Variants in GMDS observed in about 807,000 individuals in gnomAD.
GMDS encodes the protein GDP-mannose 4,6-dehydratase, also known as GDP-mannose 4,6 dehydratase.
A neutral mutation model predicts 49.9 loss-of-function variants in GMDS; 20 were observed. The ratio of observed to expected loss-of-function variants is 0.40; its 90% CI spans 0.28 to 0.58. GMDS has a LOEUF of 0.58. Among genes scored for constraint, GMDS ranks in the 20% least tolerant of loss-of-function variants. The probability of loss-of-function intolerance (pLI) is 0.42; values close to 1 mark genes in which losing one functional copy is unlikely to be tolerated. For missense variants in GMDS, 362 were observed against 481.4 expected, an observed-to-expected ratio of 0.75 and a Z score of 2.32; for synonymous variants, 177 against 178.6, an observed-to-expected ratio of 0.99 and a Z score of 0.07.
At chr6:1,647,418 A>G (rs1763517613) in intron 9 of GMDS, among the ~76,000 whole-genome samples, 1 of 152,156 alleles carries the variant, frequency 6.6e-6, no homozygotes, top group Non-Finnish European at 1.5e-5. Flanking sequence ...CTAAAAAAAG[A>G]GTGTCCCCAG....
At chr6:2,117,298 C>A (rs1039896931) in intron 3 of GMDS, among the ~76,000 whole-genome samples, 171 bp downstream of exon 3, 14 of 152,066 alleles carry the variant, frequency 9.2e-5, no homozygotes, top group African/African-American at 3.1e-4. Context: ...GGGCAGTGAG[C>A]AGGGAAGGTT....
At chr6:1,807,718 A>G (rs1257005110) in intron 7 of GMDS, among the ~76,000 whole-genome samples, 1 of 152,232 alleles carries the variant, frequency 6.6e-6, no homozygotes, top group East Asian at 1.9e-4. Context: ...ATTAATCTCC[A>G]TCCCTATCTC....
intron 4 of GMDS, among the ~76,000 whole-genome samples, chr6:2,035,840 C>T (rs1222953740): frequency 6.6e-6 from 1 of 152,082 alleles, no homozygotes; most frequent in African/African-American, 2.4e-5. Context: ...GTGTGCACCA[C>T]CATGCCCGGC....
intron 9 of GMDS, among the ~76,000 whole-genome samples, chr6:1,676,797 A>T (rs932220644): frequency 3.7e-4 from 57 of 152,346 alleles, no homozygotes; most frequent in Non-Finnish European, 6.5e-4. Context: ...TGGATTAAAG[A>T]CTTAAATGTT....
chr6:1,988,704 A>C (rs1765724709), intron 4 of GMDS, among the ~76,000 whole-genome samples: 2 of 152,252 alleles, frequency 1.3e-5, no homozygotes, highest in Admixed American at 1.3e-4. Flanking sequence ...CAATGTTTAA[A>C]AACAATATTT....
chr6:1,964,281 G>A (rs908058362), intron 4 of GMDS, among the ~76,000 whole-genome samples: 3 of 152,204 alleles, frequency 2.0e-5, no homozygotes, highest in Admixed American at 6.5e-5. Context: ...ACAACAATGA[G>A]AATGTTGTGA....
intron 7 of GMDS, among the ~76,000 whole-genome samples, chr6:1,899,801 A>G (rs9405523): frequency 0.95 from 139,370 of 146,506 alleles, 66,452 homozygotes; most frequent in Middle Eastern, 0.99. Context: ...GGAGACCTGC[A>G]ACAGGGCACC....
chr6:1,790,969 C>T (rs1769518037), intron 7 of GMDS, among the ~76,000 whole-genome samples: 1 of 151,884 alleles, frequency 6.6e-6, no homozygotes, highest in African/African-American at 2.4e-5. Flanking sequence ...CTAGGTGGAC[C>T]CAATGTCATC....
At chr6:2,175,539 T>C (rs1778242614) in intron 1 of GMDS, among the ~76,000 whole-genome samples, 1 of 152,174 alleles carries the variant, frequency 6.6e-6, no homozygotes, top group Non-Finnish European at 1.5e-5. Context: ...TTACTATACC[T>C]CAGCTTGGGA....
rs558767055 is a variant in GMDS at position 1,857,421 on chromosome 6, G to A, written c.771+72682C>T. ...CTCTGTGGTGTGTTACATTGGATCT[G>A]GGCTGAGAGTTGCTGTCTGCTCTAG... On this transcript the variant is annotated intron_variant, in intron 7 of 10. Coordinates refer to ENST00000380815, the MANE Select transcript of GMDS (RefSeq NM_001500.4). Among the ~76,000 whole-genome samples the A allele has an allele frequency of 3.9e-5, 6 of 152,302 alleles. No individual in the cohort carries two copies. In the South Asian group the frequency reaches 8.3e-4, roughly 21 times the overall value.
chr6:2,027,167 T>G (rs930002420), intron 4 of GMDS, among the ~76,000 whole-genome samples: 5 of 152,142 alleles, frequency 3.3e-5, no homozygotes, highest in Non-Finnish European at 7.3e-5. Context: ...TCTGATCTTA[T>G]GAAGCGAGGG....
intron 7 of GMDS, among the ~76,000 whole-genome samples, chr6:1,888,989 T>C (rs1433813878): frequency 6.6e-6 from 1 of 152,204 alleles, no homozygotes; most frequent in Non-Finnish European, 1.5e-5. Context: ...CCTTGGGTAC[T>C]CCCAACTAGG....
chr6:2,050,240 T>C (rs1180477056), intron 4 of GMDS, among the ~76,000 whole-genome samples: 1 of 152,172 alleles, frequency 6.6e-6, no homozygotes, highest in Non-Finnish European at 1.5e-5. Context: ...CAGAGAATAC[T>C]ATCAACACCT....
chr6:2,034,451 G>T (rs1418679580), intron 4 of GMDS, among the ~76,000 whole-genome samples: 1 of 152,148 alleles, frequency 6.6e-6, no homozygotes, highest in Non-Finnish European at 1.5e-5. Context: ...TCTGTTCGGG[G>T]TGATGACAAT....
rs3800092 is a variant in GMDS at position 1,840,873 on chromosome 6, G to C, written c.771+89230C>G. On this transcript the variant is annotated intron_variant, in intron 7 of 10. Coordinates refer to ENST00000380815, the MANE Select transcript of GMDS (RefSeq NM_001500.4). ...GGTTGGTTAAAATGCCTCAGTGGCA[G>C]TTTGGAGCTCACCGGATCTGGCAGC... Among the ~76,000 whole-genome samples, 1,416 of 152,340 alleles carry C rather than the reference G, an allele frequency of 9.3e-3. 38 individuals are homozygous for C. Among genetic ancestry groups the C allele is most frequent in the East Asian group, 0.079 (411 of 5,182 alleles).
chr6:1,976,521 G>C (rs1487476113), intron 4 of GMDS, among the ~76,000 whole-genome samples: 1 of 152,152 alleles, frequency 6.6e-6, no homozygotes, highest in South Asian at 2.1e-4. Context: ...TTTCCAAAAG[G>C]CTTCTTCCTC....
intron 1 of GMDS, among the ~76,000 whole-genome samples, chr6:2,208,517 C>G (rs529163803): frequency 6.6e-6 from 1 of 152,282 alleles, no homozygotes; most frequent in East Asian, 1.9e-4. Context: ...GTATTATATA[C>G]AAGCTGTACA....
intron 1 of GMDS, among the ~76,000 whole-genome samples, chr6:2,195,487 CA>C (rs1032104686): frequency 2.0e-4 from 30 of 152,210 alleles, no homozygotes; most frequent in African/African-American, 7.2e-4. Context: ...TAAAGTAAAG[CA>C]AATACTTTGA....
chr6:1,706,865 CTG>C (rs1765758727), intron 9 of GMDS, among the ~76,000 whole-genome samples: 1 of 152,182 alleles, frequency 6.6e-6, no homozygotes, highest in South Asian at 2.1e-4. Flanking sequence ...TTTGGAAGGA[CTG>C]TGCTCAGTTA....
Sources: gnomAD v4.1 joint callset for allele counts (sites outside exome capture counted in the v4.1 genomes callset) on GRCh38, gnomAD v4.1.1 for gene constraint, MANE v1.5 for transcripts, NCBI Gene and HGNC (gene_info 2026-07-23, HGNC 2026-07-21) for gene names.